NIPAL3: variants seen among roughly 807,000 people sequenced by gnomAD.
NIPAL3 encodes NIPA like domain containing 3, also known as NIPA-like protein 3.
Under a neutral mutation model 47.2 loss-of-function variants are expected in NIPAL3, and 41 were observed. The ratio of observed to expected loss-of-function variants is 0.87; its 90% CI spans 0.68 to 1.13. The LOEUF is 1.13. NIPAL3 is among the 50% of genes most tolerant of loss of function. The pLI is 0.00. For synonymous variants in NIPAL3, 194 were observed against 209.6 expected (o/e 0.93, Z 0.64); for missense variants, 449 against 530.1 (o/e 0.85, Z 1.50).
At chr1:24,433,972 G>A (rs1394545117) in intron 2 of NIPAL3, among the ~76,000 whole-genome samples, 3 of 151,904 alleles carry the variant, frequency 2.0e-5, no homozygotes, top group Admixed American at 6.6e-5. Flanking sequence ...AAATGACAAG[G>A]GAATTAAAAT....
intron 10 of NIPAL3, among the ~76,000 whole-genome samples, chr1:24,460,871 G>T (rs1320036771): frequency 6.6e-6 from 1 of 152,158 alleles, no homozygotes; most frequent in African/African-American, 2.4e-5. Flanking sequence ...AGGATTAATA[G>T]TATTCCACAT....
rs1489597120 is a variant in NIPAL3 at position 24,472,510 on chromosome 1, C to T, written c.*3325C>T. The T allele has an allele frequency of 2.6e-5, 4 of 152,200 alleles. No individual in the cohort carries two copies. Among genetic ancestry groups the T allele is most frequent in the African/African-American group, 9.7e-5 (4 of 41,436 alleles). The allele number at this position is 152,200 out of a possible 1,614,324, so 9.4% of individuals were successfully genotyped here. A position where few individuals can be genotyped will look rare whatever the true frequency, so the allele number is the denominator to read the frequency against. The stretch of plus-strand genomic sequence containing the variant: ...GCAAGCAATGTTAAATATCACACCT[C>T]GGTCTCCTTTTGAGCAGCCCAGGTA... On this transcript the variant is annotated 3_prime_UTR_variant, in exon 12 of 12. Transcript: ENST00000374399.
intron 5 of NIPAL3, among the ~76,000 whole-genome samples, chr1:24,447,541 A>G (rs1261289923): frequency 6.6e-6 from 1 of 152,178 alleles, no homozygotes; most frequent in African/African-American, 2.4e-5. Context: ...CCAAAAAAGA[A>G]AAGAATTTTA....
At chr1:24,430,984 A>T (rs1644851699) in intron 2 of NIPAL3, among the ~76,000 whole-genome samples, 1 of 152,266 alleles carries the variant, frequency 6.6e-6, no homozygotes, top group Non-Finnish European at 1.5e-5. Flanking sequence ...GTCAAAGCTT[A>T]GAGCAGGAAA....
Position 24,449,878 on chromosome 1 carries a change from C to T in NIPAL3, c.540+252C>T, listed in dbSNP as rs2148825961. Among the ~76,000 whole-genome samples the T allele has an allele frequency of 1.3e-5, 2 of 152,250 alleles. No individual in the cohort carries two copies. The highest frequency in any genetic ancestry group is 3.9e-4 in the East Asian group (2 of 5,188). On this transcript the variant is annotated intron_variant, in intron 6 of 11. Coordinates refer to ENST00000374399, the MANE Select transcript of NIPAL3 (RefSeq NM_020448.5). This position sits in a 1 kb window ranked among gnomAD's most constrained non-coding sequence, Gnocchi z 4.5. ...GGGAAAAACATTTGACACTAATTAC[C>T]AAATTGAATATCCACATATCCTATG...
In NIPAL3 at chr1:24,454,495, C is replaced by T; in HGVS notation, c.637+991C>T. 1 of 992,280 alleles carries T rather than the reference C, an allele frequency of 1.0e-6. No homozygotes were observed. The highest frequency in any genetic ancestry group is 4.5e-5 in the South Asian group (1 of 22,222). The allele number at this position is 992,280 out of a possible 1,614,324, so 61.5% of individuals were successfully genotyped here. A position where few individuals can be genotyped will look rare whatever the true frequency, so the allele number is the denominator to read the frequency against. Reference sequence around the variant, plus strand: ...CCTACTGTGTGCCCTACCACCGCCACAAGCCATCAACCAAATAGATACCTG... The same window carrying T: ...CCTACTGTGTGCCCTACCACCGCCATAAGCCATCAACCAAATAGATACCTG... On this transcript the variant is annotated intron_variant, in intron 7 of 11. Transcript: ENST00000374399. This position sits in a 1 kb window ranked among gnomAD's most constrained non-coding sequence, Gnocchi z 4.1.
In NIPAL3 at chr1:24,455,607, C is replaced by T. The variant is rs115102971; in HGVS notation, c.638-531C>T. Among the ~76,000 whole-genome samples the T allele has an allele frequency of 8.0e-3, 1,222 of 152,140 alleles. 21 individuals carry two copies. Among genetic ancestry groups the T allele is most frequent in the African/African-American group, 0.027 (1,139 of 41,518 alleles). On this transcript the variant is annotated intron_variant, in intron 7 of 11. Transcript: ENST00000374399. Reference sequence around the variant, plus strand: ...GCAGAGATGGGAGGGTAGCTTGAGCCCAAGAATTCAAGACCTGCCTGGGCA... The same window carrying T: ...GCAGAGATGGGAGGGTAGCTTGAGCTCAAGAATTCAAGACCTGCCTGGGCA...
chr1:24,446,203 G>A (rs1645656395), intron 5 of NIPAL3, among the ~76,000 whole-genome samples: 2 of 152,118 alleles, frequency 1.3e-5, no homozygotes, highest in Admixed American at 1.3e-4. Flanking sequence ...TTCGGGGACT[G>A]GGGAGATGGG....
rs1557543739 is a variant in NIPAL3 at position 24,469,241 on chromosome 1, T to C, written c.*56T>C. On this transcript the variant is annotated 3_prime_UTR_variant, in exon 12 of 12. Coordinates refer to ENST00000374399, the MANE Select transcript of NIPAL3 (RefSeq NM_020448.5). ...CTCCAGGCTGACAGTGGTTCAACCC[T>C]GAATCCTAAAACTTGCCTTTCAAGT... 15 of 1,464,606 alleles carry C rather than the reference T, an allele frequency of 1.0e-5. No homozygotes were observed. Among genetic ancestry groups the C allele is most frequent in the Non-Finnish European group, 1.1e-5 (12 of 1,075,568 alleles). The allele number at this position is 1,464,606 out of a possible 1,614,324, so 90.7% of individuals were successfully genotyped here. A position where few individuals can be genotyped will look rare whatever the true frequency, so the allele number is the denominator to read the frequency against.
Position 24,419,452 on chromosome 1 carries a change from G to C in NIPAL3, c.-96G>C, listed in dbSNP as rs1644211256. The C allele has an allele frequency of 3.6e-6, 5 of 1,396,806 alleles. No homozygotes were observed. The highest frequency in any genetic ancestry group is 4.7e-6 in the Non-Finnish European group (5 of 1,070,958). The allele number at this position is 1,396,806 out of a possible 1,614,324, so 86.5% of individuals were successfully genotyped here. A position where few individuals can be genotyped will look rare whatever the true frequency, so the allele number is the denominator to read the frequency against. Reference sequence around the variant, plus strand: ...GAAGTGACGGCTGCTGGAGGGAGGTGAACACCACAAGGAGAGATGGCATCT... The same window carrying C: ...GAAGTGACGGCTGCTGGAGGGAGGTCAACACCACAAGGAGAGATGGCATCT... On this transcript the variant is annotated 5_prime_UTR_variant, in exon 2 of 12. Coordinates refer to ENST00000374399, the MANE Select transcript of NIPAL3 (RefSeq NM_020448.5).
intron 2 of NIPAL3, among the ~76,000 whole-genome samples, chr1:24,429,131 C>T (rs1488911076): frequency 1.3e-5 from 2 of 152,064 alleles, no homozygotes; most frequent in East Asian, 1.9e-4. Flanking sequence ...GAATATTGGC[C>T]GGGCATGGTG....
chr1:24,467,338 C>T (rs1023997499), intron 11 of NIPAL3, among the ~76,000 whole-genome samples: 4 of 151,336 alleles, frequency 2.6e-5, no homozygotes, highest in East Asian at 1.9e-4. Flanking sequence ...TGCGTGGTGG[C>T]GGGTGCCTGT....
intron 7 of NIPAL3, among the ~76,000 whole-genome samples, chr1:24,455,056 G>A (rs1007998554): frequency 2.9e-4 from 44 of 152,250 alleles, no homozygotes; most frequent in African/African-American, 9.4e-4. Context: ...GGTTGCTGAC[G>A]TTTGGAAACA....
chr1:24,456,488 C>T (rs1349542807), intron 8 of NIPAL3, among the ~76,000 whole-genome samples: 6 of 152,142 alleles, frequency 3.9e-5, no homozygotes, highest in African/African-American at 7.2e-5. Context: ...CAGTGACCCA[C>T]GCCTGTAATC....
intron 2 of NIPAL3, among the ~76,000 whole-genome samples, chr1:24,429,628 T>C (rs1644787743): frequency 6.6e-6 from 1 of 152,162 alleles, no homozygotes; most frequent in Non-Finnish European, 1.5e-5. Flanking sequence ...CAGCACACTT[T>C]TATAGGTTGA....
In NIPAL3 at chr1:24,419,295, C is replaced by T; in HGVS notation, c.-253C>T. The T allele has an allele frequency of 1.7e-6, 2 of 1,205,706 alleles. No individual in the cohort carries two copies. Among genetic ancestry groups the T allele is most frequent in the Non-Finnish European group, 2.1e-6 (2 of 970,076 alleles). The allele number at this position is 1,205,706 out of a possible 1,614,324, so 74.7% of individuals were successfully genotyped here. A position where few individuals can be genotyped will look rare whatever the true frequency, so the allele number is the denominator to read the frequency against. On this transcript the variant is annotated 5_prime_UTR_variant, in exon 2 of 12. Coordinates refer to ENST00000374399, the MANE Select transcript of NIPAL3 (RefSeq NM_020448.5). Reference sequence around the variant, plus strand: ...TGTTCCTCTCCACCACCCTAGAGCACCGCAAGAACTGGAAAACACACCCCT... The same window carrying T: ...TGTTCCTCTCCACCACCCTAGAGCATCGCAAGAACTGGAAAACACACCCCT...
chr1:24,439,592 A>C (rs1645282202), intron 2 of NIPAL3, among the ~76,000 whole-genome samples: 1 of 151,916 alleles, frequency 6.6e-6, no homozygotes, highest in Non-Finnish European at 1.5e-5. Flanking sequence ...TATTATTTTT[A>C]TCTATATATA....
Position 24,459,129 on chromosome 1 carries a change from C to T in NIPAL3, c.862+153C>T, listed in dbSNP as rs773405977. On this transcript the variant is annotated intron_variant, in intron 9 of 11. Coordinates refer to ENST00000374399, the MANE Select transcript of NIPAL3 (RefSeq NM_020448.5). ...TGCAGGATTTCCAGACAGAGAGACC[C>T]GGGTTTGTATCCCAGCACAGACGCA... Among the ~76,000 whole-genome samples, 85 of 152,124 alleles carry T rather than the reference C, an allele frequency of 5.6e-4. 1 individual carries two copies. Among genetic ancestry groups the T allele is most frequent in the Non-Finnish European group, 2.2e-4 (15 of 68,036 alleles).
intron 11 of NIPAL3, chr1:24,464,902 G>A (rs928693480): frequency 2.6e-5 from 4 of 152,204 alleles, no homozygotes; most frequent in African/African-American, 9.7e-5. Flanking sequence ...TGATGGTCTA[G>A]AGGACTGCTT....
Sources: allele counts gnomAD v4.1 joint callset (sites outside exome capture counted in the v4.1 genomes callset), GRCh38; gene constraint gnomAD v4.1.1; non-coding constraint Gnocchi (gnomAD v3.1); transcripts MANE v1.5; gene names NCBI Gene and HGNC (gene_info 2026-07-23, HGNC 2026-07-21).